Variants in FASTKD2 observed in about 807,000 individuals in gnomAD.
FASTKD2 encodes FAST kinase domains 2.
Under a neutral mutation model 63.6 loss-of-function variants are expected in FASTKD2, and 51 were observed. That is an observed-to-expected ratio of 0.80 (90% CI 0.64 to 1.01). The LOEUF is 1.01. FASTKD2 is among the 50% of genes least tolerant of loss of function. The probability of loss-of-function intolerance (pLI) is 0.00; values close to 1 mark genes in which losing one functional copy is unlikely to be tolerated. For synonymous variants in FASTKD2, 284 were observed against 293.4 expected (o/e 0.97, Z 0.33); for missense variants, 786 against 831.1 (o/e 0.95, Z 0.67).
chr2:206,772,728 A>G (rs576755980), intron 6 of FASTKD2, among the ~76,000 whole-genome samples: 165 of 152,334 alleles, frequency 1.1e-3, no homozygotes, highest in Middle Eastern at 6.8e-3. Context: ...ATTGTATTCA[A>G]TAAATTACTT....
rs775377907 is a variant in FASTKD2, at chr2:206,767,338, G to A, written c.645G>A (p.Gln215=). 1.9e-6 allele frequency: 3 copies of A among 1,614,138 alleles called. No individual in the cohort carries two copies. In the South Asian group the frequency reaches 3.3e-5, roughly 18 times the overall value. ...RLMFSHPAFN[Q]LCEHMMREAK... ...TGTTTAGCCACCCTGCATTTAATCA[G>A]CTCTGTGAACATATGATGAGAGAAG... is the stretch of plus-strand genomic sequence containing the variant. Residue 215 remains glutamine (Q), a synonymous_variant, in exon 2 of 12, where the codon CAG becomes CAA. Transcript: ENST00000402774.
chr2:206,781,574 C>A (rs1449564460), intron 7 of FASTKD2, among the ~76,000 whole-genome samples: 1 of 151,954 alleles, frequency 6.6e-6, no homozygotes, highest in Non-Finnish European at 1.5e-5. Context: ...CCTTGGCCTC[C>A]CAAAGTGCTG....
chr2:206,769,151 C>T (rs1254675780), intron 2 of FASTKD2, among the ~76,000 whole-genome samples: 1 of 152,204 alleles, frequency 6.6e-6, no homozygotes, highest in African/African-American at 2.4e-5. Context: ...GACAGTGTGC[C>T]ATCAATGAAT....
intron 3 of FASTKD2, 105 bp downstream of exon 3, chr2:206,770,299 G>A: frequency 2.6e-6 from 2 of 773,228 alleles, no homozygotes; most frequent in South Asian, 2.9e-5. Flanking sequence ...AGGGGAGGAG[G>A]GGTTGGGGAG....
rs1412701313 is a variant in FASTKD2 at position 206,796,085 on chromosome 2, G to T, written c.*4283G>T. ...CACATTGTGTCTAAACTAGGTTGCA[G>T]TGGTTTCTGTTATCAGCAAGTAAAT... On this transcript the variant is annotated 3_prime_UTR_variant, in exon 12 of 12. Transcript: ENST00000402774. Among the ~76,000 whole-genome samples the T allele has an allele frequency of 6.6e-6, 1 of 152,240 alleles. No homozygotes were observed. Among genetic ancestry groups the T allele is most frequent in the East Asian group, 1.9e-4 (1 of 5,200 alleles).
At position 206,791,958 on chromosome 2, in the gene FASTKD2, T is replaced by C. The variant is rs1183807550; in HGVS notation, c.*156T>C. 1.5e-6 allele frequency: 1 copy of C among 670,176 alleles called. No homozygotes were observed. The highest frequency in any genetic ancestry group is 2.5e-6 in the Non-Finnish European group (1 of 395,436). The allele number at this position is 670,176 out of a possible 1,614,324, so 41.5% of individuals were successfully genotyped here. ...AATTTTAGGAGTGGAAGAAATGTTG[T>C]TACTGCCATTTAAAAATATGCTGAG... On this transcript the variant is annotated 3_prime_UTR_variant, in exon 12 of 12. Coordinates refer to ENST00000402774, the MANE Select transcript of FASTKD2 (RefSeq NM_001136193.2).
intron 7 of FASTKD2, among the ~76,000 whole-genome samples, chr2:206,775,136 A>G (rs529044504): frequency 1.3e-5 from 2 of 152,128 alleles, no homozygotes; most frequent in Non-Finnish European, 2.9e-5. Flanking sequence ...TTCTTTATCC[A>G]TTCATCTGCT....
At position 206,793,937 on chromosome 2, in the gene FASTKD2, G is replaced by C. The variant is rs555890748; in HGVS notation, c.*2135G>C. Among the ~76,000 whole-genome samples the C allele has an allele frequency of 5.3e-5, 8 of 152,294 alleles. No individual in the cohort carries two copies. The highest frequency in any genetic ancestry group is 1.7e-4 in the African/African-American group (7 of 41,572). ...TTTTTCTTTTAAGAATTACAGTGCTGATGAAGGTATAATGAGGCAAGCACT... is the reference window on the plus strand; with the variant it reads ...TTTTTCTTTTAAGAATTACAGTGCTCATGAAGGTATAATGAGGCAAGCACT... On this transcript the variant is annotated 3_prime_UTR_variant, in exon 12 of 12. Transcript: ENST00000402774.
chr2:206,790,973 A>T, intron 11 of FASTKD2: 2 of 350,802 alleles, frequency 5.7e-6, no homozygotes, highest in Non-Finnish European at 1.1e-5. Context: ...TTTCATATTT[A>T]AGATACACAA....
In FASTKD2 at chr2:206,772,213, A is replaced by G; in HGVS notation, c.1147A>G (p.Ile383Val). ...CCATGGGTGTCCTTTAAGAATAATG[A>G]TCAACATATTGCAGTCCTGCAAAGA... Reference protein sequence around the residue: ...NIHGCPLRIMINILQSCKDLQ... With the variant: ...NIHGCPLRIMVNILQSCKDLQ... Residue 383 changes from isoleucine (I) to valine (V), a missense_variant, in exon 6 of 12, where the codon ATC becomes GTC. By Grantham distance (29) the Ile-to-Val change is conservative. Coordinates refer to ENST00000402774, the MANE Select transcript of FASTKD2 (RefSeq NM_001136193.2). The G allele has an allele frequency of 6.2e-7, 1 of 1,613,310 alleles. No homozygotes were observed. The highest frequency in any genetic ancestry group is 8.5e-7 in the Non-Finnish European group (1 of 1,179,218).
intron 7 of FASTKD2, among the ~76,000 whole-genome samples, chr2:206,785,977 C>T (rs1175689850): frequency 6.6e-6 from 1 of 152,220 alleles, no homozygotes; most frequent in Admixed American, 6.5e-5. Context: ...TTCCCTTATT[C>T]CATCTTTTCC....
intron 2 of FASTKD2, among the ~76,000 whole-genome samples, chr2:206,768,441 C>T (rs939553905): frequency 3.3e-5 from 5 of 152,270 alleles, no homozygotes; most frequent in African/African-American, 9.6e-5. Flanking sequence ...TGGCTCACAC[C>T]TGTAATCCCA....
Position 206,791,920 on chromosome 2 carries a change from C to T in FASTKD2, c.*118C>T. The T allele has an allele frequency of 1.1e-6, 1 of 878,414 alleles. No individual in the cohort carries two copies. The allele number at this position is 878,414 out of a possible 1,614,324, so 54.4% of individuals were successfully genotyped here. On this transcript the variant is annotated 3_prime_UTR_variant, in exon 12 of 12. Transcript: ENST00000402774. ...TAAGACAAAAAATGTTACCTCAGTT[C>T]ACTATTAAAATTAATTTTAGGAGTG...
chr2:206,789,192 C>T, intron 10 of FASTKD2: 1 of 355,082 alleles, frequency 2.8e-6, no homozygotes, highest in Non-Finnish European at 5.2e-6. Context: ...TTGAAACTAT[C>T]AATGCAGTGT....
intron 7 of FASTKD2, chr2:206,783,342 G>A (rs1690044494): frequency 6.5e-6 from 1 of 153,240 alleles, no homozygotes; most frequent in Non-Finnish European, 1.5e-5. Context: ...CAGTAAGTCT[G>A]TCTCTGCTCC....
intron 7 of FASTKD2, among the ~76,000 whole-genome samples, chr2:206,783,908 T>C (rs1690063989): frequency 6.6e-6 from 1 of 152,218 alleles, no homozygotes; most frequent in Non-Finnish European, 1.5e-5. Context: ...AGGTCTGTGC[T>C]ACTGGCCTCT....
chr2:206,776,217 G>A (rs1039945894), intron 7 of FASTKD2, among the ~76,000 whole-genome samples: 1 of 151,374 alleles, frequency 6.6e-6, no homozygotes, highest in Non-Finnish European at 1.5e-5. Flanking sequence ...TAAACTTATA[G>A]CAATAAGCAT....
intron 3 of FASTKD2, 38 bp downstream of exon 3, chr2:206,770,232 T>C: frequency 8.0e-7 from 1 of 1,250,000 alleles, no homozygotes; most frequent in Non-Finnish European, 1.2e-6. Context: ...GTGGTTTTCT[T>C]TGTTCCTCAT....
intron 6 of FASTKD2, 127 bp downstream of exon 6, chr2:206,772,447 A>T: frequency 1.0e-6 from 1 of 995,204 alleles, no homozygotes; most frequent in Non-Finnish European, 1.5e-6. Flanking sequence ...TGCTGAATTG[A>T]CTTTTGAAAA....
Sources: allele counts gnomAD v4.1 joint callset (sites outside exome capture counted in the v4.1 genomes callset), GRCh38; gene constraint gnomAD v4.1.1; transcripts MANE v1.5; gene names NCBI Gene and HGNC (gene_info 2026-07-23, HGNC 2026-07-21).